The following UMAD1 variants were observed in gnomAD, a reference collection of about 807,000 sequenced individuals.
UMAD1 encodes the protein UBAP1-MVB12-associated (UMA)-domain containing protein 1.
In UMAD1, 8 loss-of-function variants were observed where a neutral mutation model predicts 6.1. That is an observed-to-expected ratio of 1.30 (90% CI 0.76 to 2.35). The LOEUF (loss-of-function observed/expected upper bound fraction) is 2.35, where lower values mean the gene tolerates loss of function less well. UMAD1 is among the 30% of genes most tolerant of loss of function. The pLI is 0.00. For missense variants in UMAD1, 130 were observed against 78.4 expected (o/e 1.66, Z -2.49); for synonymous variants, 56 against 31.4 (o/e 1.78, Z -2.61).
intron 2 of UMAD1, among the ~76,000 whole-genome samples, chr7:7,795,720 TG>T (rs578237461): frequency 1.1e-3 from 170 of 152,342 alleles, no homozygotes; most frequent in African/African-American, 3.8e-3. Flanking sequence ...GGGTAACTTC[TG>T]GATGTTGTGT....
At chr7:7,716,173 A>G (rs911548131) in intron 2 of UMAD1, among the ~76,000 whole-genome samples, 1 of 152,198 alleles carries the variant, frequency 6.6e-6, no homozygotes, top group Non-Finnish European at 1.5e-5. Context: ...AGCTGCAAAA[A>G]TTACTCATGC....
chr7:7,746,655 A>G (rs1044721797), intron 2 of UMAD1, among the ~76,000 whole-genome samples: 2 of 152,268 alleles, frequency 1.3e-5, no homozygotes, highest in East Asian at 3.8e-4. Context: ...TGACTTCCCT[A>G]GAGGAAGAAT....
intron 2 of UMAD1, among the ~76,000 whole-genome samples, chr7:7,697,391 A>G (rs1780347101): frequency 6.6e-6 from 1 of 152,248 alleles, no homozygotes. Context: ...TATGAAACAG[A>G]TAAATTATCC....
chr7:7,754,196 GA>G (rs528950749), intron 2 of UMAD1, among the ~76,000 whole-genome samples: 2 of 151,156 alleles, frequency 1.3e-5, no homozygotes, highest in Non-Finnish European at 3.0e-5. Flanking sequence ...AAAAAAGAAA[GA>G]AAAAAAACAA....
intron 3 of UMAD1, among the ~76,000 whole-genome samples, chr7:7,850,188 C>T (rs566805721): frequency 6.6e-6 from 1 of 152,122 alleles, no homozygotes; most frequent in South Asian, 2.1e-4. Context: ...CATTTTTAAG[C>T]TATCATAAAA....
intron 2 of UMAD1, among the ~76,000 whole-genome samples, chr7:7,703,039 G>A (rs1425043837): frequency 6.6e-6 from 1 of 152,198 alleles, no homozygotes; most frequent in East Asian, 1.9e-4. Flanking sequence ...CCTTCAGCTA[G>A]TCTTCTAGTT....
intron 1 of UMAD1, among the ~76,000 whole-genome samples, chr7:7,671,925 A>G (rs537035552): frequency 1.3e-4 from 20 of 151,816 alleles, no homozygotes; most frequent in Non-Finnish European, 2.2e-4. Flanking sequence ...TTTCTTCTCC[A>G]TTTTGAATTC....
chr7:7,666,907 G>C (rs1476920829), intron 1 of UMAD1, among the ~76,000 whole-genome samples: 1 of 152,146 alleles, frequency 6.6e-6, no homozygotes, highest in Non-Finnish European at 1.5e-5. Flanking sequence ...CCAAGTTCAA[G>C]TAATTCTCCT....
At chr7:7,860,618 A>G (rs1784097587) in intron 3 of UMAD1, among the ~76,000 whole-genome samples, 1 of 149,964 alleles carries the variant, frequency 6.7e-6, no homozygotes, top group Admixed American at 6.7e-5. Context: ...AAAAAAAAAA[A>G]AAAAAAAATT....
At chr7:7,843,867 C>T (rs1308345938) in intron 3 of UMAD1, among the ~76,000 whole-genome samples, 1 of 152,136 alleles carries the variant, frequency 6.6e-6, no homozygotes, top group Non-Finnish European at 1.5e-5. Flanking sequence ...GCCATTCCTT[C>T]CCATAATTGC....
intron 3 of UMAD1, among the ~76,000 whole-genome samples, chr7:7,874,160 C>G (rs1349682796): frequency 6.6e-6 from 1 of 152,200 alleles, no homozygotes; most frequent in Non-Finnish European, 1.5e-5. Flanking sequence ...CTCTTGTTCT[C>G]ATATCCCCAC....
chr7:7,877,207 A>G (rs756650784), intron 3 of UMAD1, 74 bp from the exon 4 acceptor site: 8 of 664,440 alleles, frequency 1.2e-5, no homozygotes, highest in Admixed American at 6.5e-5. Context: ...ATTTTGATGT[A>G]TTAATGCCAC....
chr7:7,718,498 T>C (rs993954776), intron 2 of UMAD1: 14 of 152,178 alleles, frequency 9.2e-5, no homozygotes, highest in Non-Finnish European at 1.6e-4. Flanking sequence ...ATCCAACAAA[T>C]TCAAACAGAT....
At chr7:7,649,543 G>T (rs9791868) in intron 1 of UMAD1, among the ~76,000 whole-genome samples, 101,007 of 151,942 alleles carry the variant, frequency 0.66, 34,033 homozygotes, top group East Asian at 0.88. Flanking sequence ...TTCCACGTCA[G>T]TTTTTTGCTT....
At chr7:7,872,040 G>A (rs1481669116) in intron 3 of UMAD1, among the ~76,000 whole-genome samples, 3 of 151,256 alleles carry the variant, frequency 2.0e-5, no homozygotes, top group African/African-American at 7.3e-5. Context: ...AGAGGAGGGG[G>A]CCTTCATGTC....
At chr7:7,868,858 A>G (rs1784285104) in intron 3 of UMAD1, among the ~76,000 whole-genome samples, 1 of 152,214 alleles carries the variant, frequency 6.6e-6, no homozygotes, top group Non-Finnish European at 1.5e-5. Context: ...TTTCAATTTT[A>G]AAATCAAGTC....
chr7:7,753,214 A>G lies in UMAD1; in HGVS notation c.83-48456A>G, dbSNP rs375989923. On this transcript the variant is annotated intron_variant, in intron 2 of 3. Transcript: ENST00000682710. ...GTTTTGATACAGGCATACATTGTGT[A>G]ATAATCACATCACAGAAAATGAGGT... Among the ~76,000 whole-genome samples, 60 of 152,326 alleles carry G rather than the reference A, an allele frequency of 3.9e-4. 1 individual carries two copies. The highest frequency in any genetic ancestry group is 1.4e-3 in the African/African-American group (59 of 41,584).
chr7:7,649,852 TAA>T (rs1785185861), intron 1 of UMAD1, among the ~76,000 whole-genome samples: 2 of 152,178 alleles, frequency 1.3e-5, no homozygotes, highest in Non-Finnish European at 2.9e-5. Context: ...CATGCCCTTA[TAA>T]AAGAGTCAGA....
At chr7:7,840,124 A>G (rs1234960763) in intron 3 of UMAD1, among the ~76,000 whole-genome samples, 1 of 152,212 alleles carries the variant, frequency 6.6e-6, no homozygotes, top group Non-Finnish European at 1.5e-5. Flanking sequence ...AGGGCAGGTC[A>G]CAAAATTGGC....
Sources: allele counts gnomAD v4.1 joint callset (sites outside exome capture counted in the v4.1 genomes callset), GRCh38; gene constraint gnomAD v4.1.1; transcripts MANE v1.5; gene names NCBI Gene and HGNC (gene_info 2026-07-23, HGNC 2026-07-21).